PTPRG: variants seen among roughly 807,000 people sequenced by gnomAD.
The protein encoded by PTPRG is receptor-type tyrosine-protein phosphatase gamma.
A neutral mutation model predicts 165.3 loss-of-function variants in PTPRG; 102 were observed. The observed-to-expected ratio is 0.62, with a 90% confidence interval of 0.53 to 0.73. PTPRG has a LOEUF of 0.73. Among genes scored for constraint, PTPRG ranks in the 30% least tolerant of loss-of-function variants. The pLI, the probability that PTPRG is intolerant of heterozygous loss-of-function variation, is 0.00. For synonymous variants in PTPRG, 675 were observed against 669.5 expected, an observed-to-expected ratio of 1.01 and a Z score of -0.13; for missense variants, 1,866 against 1,861.4, an observed-to-expected ratio of 1.00 and a Z score of -0.05.
At chr3:62,141,724 A>G (rs979896158) in intron 6 of PTPRG, among the ~76,000 whole-genome samples, 2 of 149,974 alleles carry the variant, frequency 1.3e-5, no homozygotes, top group Admixed American at 1.3e-4. Context: ...ATGTGGCAAA[A>G]CCCTGTCTCT....
At chr3:61,823,837 G>T (rs1402173456) in intron 2 of PTPRG, among the ~76,000 whole-genome samples, 1 of 152,092 alleles carries the variant, frequency 6.6e-6, no homozygotes, top group African/African-American at 2.4e-5. Flanking sequence ...TGTTATAAAT[G>T]ATGATGAAGC....
intron 2 of PTPRG, among the ~76,000 whole-genome samples, chr3:61,841,817 C>CA (rs1436610118): frequency 2.6e-5 from 4 of 150,954 alleles, no homozygotes; most frequent in Admixed American, 6.6e-5. Context: ...ATCTCAAAAA[C>CA]AAAAACAAAA....
intron 3 of PTPRG, among the ~76,000 whole-genome samples, chr3:61,997,353 C>A (rs79043068): frequency 0.036 from 5,434 of 152,262 alleles, 101 homozygotes; most frequent in African/African-American, 0.055. Context: ...TCAAGCATAT[C>A]AAGGACTTCC....
rs905947556 is a variant in PTPRG at position 61,781,827 on chromosome 3, G to A, written c.190+32845G>A. Among the ~76,000 whole-genome samples, 10 of 151,272 alleles carry A rather than the reference G, an allele frequency of 6.6e-5. No homozygotes were observed. In the East Asian group the frequency reaches 9.7e-4, roughly 15 times the overall value. On this transcript the variant is annotated intron_variant, in intron 2 of 29. Transcript: ENST00000474889. Reference sequence around the variant, plus strand: ...ACTGTAGCCTCAGCCTCCCAGGCTCGAGCGATCCTCCTGCCTCAGCCTCCC... The same window carrying A: ...ACTGTAGCCTCAGCCTCCCAGGCTCAAGCGATCCTCCTGCCTCAGCCTCCC...
chr3:61,583,116 C>T (rs1700343749), intron 1 of PTPRG, among the ~76,000 whole-genome samples: 1 of 152,176 alleles, frequency 6.6e-6, no homozygotes, highest in Non-Finnish European at 1.5e-5. Context: ...GACTTGGACC[C>T]ATATCTGCCT....
At chr3:61,624,561 G>A (rs1701555357) in intron 1 of PTPRG, among the ~76,000 whole-genome samples, 1 of 152,160 alleles carries the variant, frequency 6.6e-6, no homozygotes, top group South Asian at 2.1e-4. Context: ...GGCTATCTTT[G>A]GGGTGCTGAG....
intron 2 of PTPRG, among the ~76,000 whole-genome samples, chr3:61,974,558 A>G (rs1355865807): frequency 8.2e-6 from 1 of 121,486 alleles, no homozygotes. Context: ...ATCTTAAAAA[A>G]AAAATTTTTT....
chr3:61,951,581 T>C (rs2039899698), intron 2 of PTPRG, among the ~76,000 whole-genome samples: 2 of 152,330 alleles, frequency 1.3e-5, no homozygotes, highest in Admixed American at 1.3e-4. Flanking sequence ...TCTAGTCTCC[T>C]TGAGGGCAGA....
intron 2 of PTPRG, among the ~76,000 whole-genome samples, chr3:61,915,261 T>C (rs2038906502): frequency 6.6e-6 from 1 of 152,130 alleles, no homozygotes; most frequent in Admixed American, 6.5e-5. Flanking sequence ...AAAAATTAAG[T>C]GGGCAAGATT....
intron 8 of PTPRG, among the ~76,000 whole-genome samples, chr3:62,168,579 A>G (rs1380630579): frequency 6.6e-6 from 1 of 152,172 alleles, no homozygotes; most frequent in Non-Finnish European, 1.5e-5. Flanking sequence ...AATGTGGCTC[A>G]TCTGTTCAGT....
chr3:61,971,846 TTTAAAG>T (rs1159201050), intron 2 of PTPRG, among the ~76,000 whole-genome samples: 4 of 152,226 alleles, frequency 2.6e-5, no homozygotes, highest in Non-Finnish European at 2.9e-5. Flanking sequence ...AATCCACTAT[TTTAAAG>T]TTAAACTTCA....
chr3:61,978,032 A>G (rs2040549051), intron 2 of PTPRG, among the ~76,000 whole-genome samples: 1 of 152,196 alleles, frequency 6.6e-6, no homozygotes. Context: ...TTGTATTTTT[A>G]GTAGAGACGG....
chr3:62,014,329 A>G (rs1053942165), intron 4 of PTPRG, among the ~76,000 whole-genome samples: 5 of 152,102 alleles, frequency 3.3e-5, no homozygotes, highest in Admixed American at 2.6e-4. Flanking sequence ...GGATACGTTT[A>G]CTGTGATGGA....
chr3:61,752,674 T>C (rs543067086), intron 2 of PTPRG, among the ~76,000 whole-genome samples: 1 of 149,378 alleles, frequency 6.7e-6, no homozygotes. Context: ...TAATCCCAGC[T>C]ACTCGGGAGG....
intron 26 of PTPRG, among the ~76,000 whole-genome samples, chr3:62,279,930 T>C (rs1702369010): frequency 6.6e-6 from 1 of 152,076 alleles, no homozygotes; most frequent in South Asian, 2.1e-4. Context: ...CAGTTTGCCA[T>C]TGGAGCTGAT....
At chr3:61,606,181 G>A (rs767693609) in intron 1 of PTPRG, among the ~76,000 whole-genome samples, 11 of 152,140 alleles carry the variant, frequency 7.2e-5, no homozygotes, top group Admixed American at 1.3e-4. Flanking sequence ...TGATCTCATC[G>A]GAGGCTCATT....
intron 2 of PTPRG, among the ~76,000 whole-genome samples, chr3:61,831,557 C>G (rs1325788852): frequency 6.6e-6 from 1 of 151,982 alleles, no homozygotes; most frequent in African/African-American, 2.4e-5. Flanking sequence ...ACTCAAGCCA[C>G]CATTCATTCA....
At chr3:61,922,362 C>T (rs1056789986) in intron 2 of PTPRG, among the ~76,000 whole-genome samples, 2 of 152,218 alleles carry the variant, frequency 1.3e-5, no homozygotes, top group African/African-American at 4.8e-5. Flanking sequence ...TTCCTGCCTT[C>T]AAAAGATGTG....
At chr3:61,571,049 GC>G (rs925704376) in intron 1 of PTPRG, among the ~76,000 whole-genome samples, 1 of 152,016 alleles carries the variant, frequency 6.6e-6, no homozygotes, top group Non-Finnish European at 1.5e-5. Context: ...TTTACCTTGG[GC>G]AAATGGGCCT....
Sources: allele counts gnomAD v4.1 joint callset (sites outside exome capture counted in the v4.1 genomes callset), GRCh38; gene constraint gnomAD v4.1.1; transcripts MANE v1.5; gene names NCBI Gene and HGNC (gene_info 2026-07-23, HGNC 2026-07-21).